XPO4: variants seen among roughly 807,000 people sequenced by gnomAD.
XPO4 encodes exportin 4.
A neutral mutation model predicts 143.0 loss-of-function variants in XPO4; 39 were observed. The observed-to-expected ratio is 0.27, with a 90% CI of 0.21 to 0.36. XPO4 has a LOEUF of 0.36. Among genes scored for constraint, XPO4 ranks in the 10% least tolerant of loss-of-function variants. The probability of loss-of-function intolerance (pLI) is 1.00; values close to 1 mark genes in which losing one functional copy is unlikely to be tolerated. For synonymous variants in XPO4, 439 were observed against 474.0 expected (o/e 0.93, Z 0.96); for missense variants, 907 against 1,348.0 (o/e 0.67, Z 5.12).
chr13:20,863,888 C>A (rs1330641073), intron 2 of XPO4, among the ~76,000 whole-genome samples: 1 of 152,146 alleles, frequency 6.6e-6, no homozygotes, highest in Non-Finnish European at 1.5e-5. Context: ...ACACCATTTT[C>A]TCTCCTATTC....
chr13:20,878,695 T>A (rs943006581), intron 1 of XPO4, among the ~76,000 whole-genome samples: 2 of 152,192 alleles, frequency 1.3e-5, no homozygotes, highest in Non-Finnish European at 2.9e-5. Context: ...CATGATGGCC[T>A]CTGTGGAAAA....
chr13:20,902,511 C>T (rs1239813140), intron 1 of XPO4, 159 bp downstream of exon 1: 1 of 985,298 alleles, frequency 1.0e-6, no homozygotes, highest in Non-Finnish European at 1.2e-6. Context: ...GGAAAGTAGG[C>T]TGAAGAATCC....
At chr13:20,790,297 G>C (rs1288782434) in intron 19 of XPO4, among the ~76,000 whole-genome samples, 165 bp downstream of exon 19, 1 of 152,208 alleles carries the variant, frequency 6.6e-6, no homozygotes, top group South Asian at 2.1e-4. Context: ...CCATGTTACT[G>C]AGAAGCATGC....
intron 3 of XPO4, chr13:20,856,748 C>A (rs1392067227): frequency 2.6e-5 from 20 of 772,374 alleles, no homozygotes; most frequent in Non-Finnish European, 3.1e-5. Flanking sequence ...CTTCCACACA[C>A]ACGCACAACT....
At chr13:20,873,909 G>A (rs2060327588) in intron 1 of XPO4, among the ~76,000 whole-genome samples, 2 of 152,152 alleles carry the variant, frequency 1.3e-5, no homozygotes, top group African/African-American at 4.8e-5. Flanking sequence ...CCAGGCAGAA[G>A]GCTAAATACT....
chr13:20,869,466 G>T (rs1333013707), intron 1 of XPO4: 11 of 952,682 alleles, frequency 1.2e-5, no homozygotes, highest in African/African-American at 1.8e-5. Context: ...TTGGGAAAGG[G>T]GGCTGGAGGT....
At chr13:20,815,677 GT>G (rs1305358537) in intron 9 of XPO4, among the ~76,000 whole-genome samples, 1 of 152,144 alleles carries the variant, frequency 6.6e-6, no homozygotes, top group Non-Finnish European at 1.5e-5. Flanking sequence ...CATAAATAAC[GT>G]GTTAGATATG....
intron 9 of XPO4, among the ~76,000 whole-genome samples, chr13:20,816,781 T>C (rs1843235526): frequency 6.6e-6 from 1 of 152,166 alleles, no homozygotes; most frequent in African/African-American, 2.4e-5. Flanking sequence ...CCAATTAGAA[T>C]TAAAACATTA....
intron 1 of XPO4, chr13:20,902,344 A>C: frequency 1.0e-6 from 1 of 984,988 alleles, no homozygotes; most frequent in Non-Finnish European, 1.2e-6. Context: ...GATAACCCCA[A>C]CTCCTTCCCG....
intron 15 of XPO4, among the ~76,000 whole-genome samples, chr13:20,799,918 T>A (rs1186082426): frequency 6.6e-6 from 1 of 152,222 alleles, no homozygotes; most frequent in African/African-American, 2.4e-5. Context: ...CATAGGGCTT[T>A]GATGCCAAAT....
intron 15 of XPO4, 122 bp downstream of exon 15, chr13:20,800,034 G>A (rs1275431280): frequency 9.1e-7 from 1 of 1,097,462 alleles, no homozygotes; most frequent in African/African-American, 1.6e-5. Context: ...CAAAAATGTA[G>A]GCTCTATCTG....
intron 9 of XPO4, among the ~76,000 whole-genome samples, chr13:20,816,969 G>A (rs1056666874): frequency 2.0e-5 from 3 of 152,194 alleles, no homozygotes; most frequent in South Asian, 4.1e-4. Flanking sequence ...TTTAAGCAGA[G>A]GAAATGAATG....
intron 9 of XPO4, among the ~76,000 whole-genome samples, chr13:20,818,819 T>A (rs1413097805): frequency 6.6e-6 from 1 of 150,990 alleles, no homozygotes; most frequent in African/African-American, 2.4e-5. Flanking sequence ...CCCCTCCCCC[T>A]CCCCTTTGTT....
intron 13 of XPO4, 80 bp downstream of exon 13, chr13:20,807,377 C>T: frequency 1.4e-6 from 2 of 1,393,776 alleles, no homozygotes; most frequent in African/African-American, 3.0e-5. Flanking sequence ...GTGCCTATCA[C>T]TCCAGTCATC....
intron 2 of XPO4, 55 bp from the exon 3 acceptor site, chr13:20,862,913 T>C: frequency 6.3e-7 from 1 of 1,596,064 alleles, no homozygotes; most frequent in South Asian, 1.1e-5. Context: ...ACCTTGCACA[T>C]TTTGCATTTA....
Position 20,796,077 on chromosome 13 carries a change from T to G in XPO4, c.2796A>C (p.Thr932=), listed in dbSNP as rs777781771. ...AAAAACCATCACGTTACATTTTACC[T>G]GTATCACTGAAATCTATGAATTCTT... The part of the protein sequence containing the change: ...LSKEFIDFSD[T]DEVFRGHEPG... Residue 932 remains threonine, a splice_region_variant and synonymous_variant, in exon 18 of 23, where the codon ACA becomes ACC. Coordinates refer to ENST00000255305, the MANE Select transcript of XPO4 (RefSeq NM_022459.5). The G allele has an allele frequency of 6.2e-7, 1 of 1,608,432 alleles. No homozygotes were observed. The highest frequency in any genetic ancestry group is 8.5e-7 in the Non-Finnish European group (1 of 1,177,154).
rs757979060 is a variant in XPO4, at chr13:20,783,893, T to C, written c.3285A>G (p.Thr1095=). ...HQAEYSELVE[T]LLSSQQDPVI... ...CTGGGTCTTGCTGACTTGATAGTAA[T>C]GTTTCGACCAGTTCAGAATATTCAG... Residue 1095 remains threonine, a synonymous_variant, in exon 23 of 23, where the codon ACA becomes ACG. Coordinates refer to ENST00000255305, the MANE Select transcript of XPO4 (RefSeq NM_022459.5). The C allele has an allele frequency of 1.1e-5, 18 of 1,614,072 alleles. No homozygotes were observed. The highest frequency in any genetic ancestry group is 2.2e-5 in the East Asian group (1 of 44,890).
At chr13:20,790,675 G>A (rs2059268446) in intron 18 of XPO4, 95 bp from the exon 19 acceptor site, 2 of 942,200 alleles carry the variant, frequency 2.1e-6, no homozygotes, top group Admixed American at 2.1e-5. Flanking sequence ...CACCCCTAGA[G>A]GCTAAATAAA....
intron 2 of XPO4, chr13:20,863,179 A>C (rs939027574): frequency 4.9e-5 from 47 of 960,564 alleles, no homozygotes; most frequent in Non-Finnish European, 5.6e-5. Context: ...AGCAATCAGA[A>C]AATTTCCTAA....
Sources: gnomAD v4.1 joint callset for allele counts (sites outside exome capture counted in the v4.1 genomes callset) on GRCh38, gnomAD v4.1.1 for gene constraint, MANE v1.5 for transcripts, NCBI Gene and HGNC (gene_info 2026-07-23, HGNC 2026-07-21) for gene names.